XYLB: variants seen among roughly 807,000 people sequenced by gnomAD.
XYLB encodes the protein xylulose kinase.
A neutral mutation model predicts 78.7 loss-of-function variants in XYLB; 62 were observed. The observed-to-expected ratio is 0.79, with a 90% CI of 0.64 to 0.97. XYLB has a LOEUF of 0.97. Ranked by LOEUF, XYLB falls within the 50% of genes least tolerant of loss-of-function variation. The pLI, the probability that XYLB is intolerant of heterozygous loss-of-function variation, is 0.00. For synonymous variants in XYLB, 245 were observed against 247.4 expected (o/e 0.99, Z 0.09); for missense variants, 687 against 676.8 (o/e 1.02, Z -0.17).
intron 10 of XYLB, among the ~76,000 whole-genome samples, 189 bp from the exon 11 acceptor site, chr3:38,374,273 C>T (rs1706728254): frequency 6.6e-6 from 1 of 152,116 alleles, no homozygotes; most frequent in Non-Finnish European, 1.5e-5. Context: ...AGAGACTTCA[C>T]CCCGTGACCC....
At chr3:38,354,461 A>G (rs1393514390) in intron 2 of XYLB, among the ~76,000 whole-genome samples, 1 of 149,520 alleles carries the variant, frequency 6.7e-6, no homozygotes, top group East Asian at 1.9e-4. Flanking sequence ...TTCAATATGT[A>G]CTTCAGAATC....
chr3:38,432,111 C>A, the XYLB span, among the ~76,000 whole-genome samples: 1 of 36,134 alleles, frequency 2.8e-5, no homozygotes. Flanking sequence ...TCCACCCTGG[C>A]ACCTCCCAAA....
At chr3:38,437,454 AAG>A in the XYLB span, among the ~76,000 whole-genome samples, 3 of 152,240 alleles carry the variant, frequency 2.0e-5, no homozygotes, top group Non-Finnish European at 4.4e-5. Flanking sequence ...CATATTGCAA[AAG>A]AGAAACTCAA....
At chr3:38,347,039 C>A in intron 1 of XYLB, 114 bp downstream of exon 1, 2 of 1,101,128 alleles carry the variant, frequency 1.8e-6, no homozygotes, top group Non-Finnish European at 2.3e-6. Context: ...GGCGCGCCTA[C>A]CTCTCGGGCT....
At chr3:38,399,651 T>G (rs1708041764) in intron 17 of XYLB, among the ~76,000 whole-genome samples, 1 of 152,188 alleles carries the variant, frequency 6.6e-6, no homozygotes. Context: ...TCATAATTCT[T>G]TTGTGGAAGT....
At chr3:38,447,822 T>C in the XYLB span, among the ~76,000 whole-genome samples, 1 of 152,150 alleles carries the variant, frequency 6.6e-6, no homozygotes, top group East Asian at 1.9e-4. Context: ...GCACTATTCT[T>C]AAAAGAGAAG....
downstream of XYLB, among the ~76,000 whole-genome samples, chr3:38,425,937 T>C (rs1280691120): frequency 6.6e-6 from 1 of 152,258 alleles, no homozygotes; most frequent in Non-Finnish European, 1.5e-5. Flanking sequence ...CTGATCATTC[T>C]ATTTTAGCGG....
At chr3:38,418,194 CAAAAAAAA>C (rs56163697), downstream of XYLB, among the ~76,000 whole-genome samples, 2 of 106,832 alleles carry the variant, frequency 1.9e-5, no homozygotes, top group Non-Finnish European at 3.6e-5. Flanking sequence ...GACTCTGTCT[CAAAAAAAA>C]AAAAAAAAAA....
intron 4 of XYLB, among the ~76,000 whole-genome samples, chr3:38,364,522 C>T (rs1706143322): frequency 7.6e-6 from 1 of 132,162 alleles, no homozygotes; most frequent in Non-Finnish European, 1.6e-5. Context: ...CAGCCCATCA[C>T]CCACCCCCGA....
At chr3:38,401,064 C>T in intron 18 of XYLB, 79 bp downstream of exon 18, 1 of 1,270,280 alleles carries the variant, frequency 7.9e-7, no homozygotes, top group Non-Finnish European at 1.1e-6. Flanking sequence ...CAAAAGGTCA[C>T]CTACATTGAA....
chr3:38,357,698 A>T (rs1010958320), intron 2 of XYLB, among the ~76,000 whole-genome samples: 1 of 152,092 alleles, frequency 6.6e-6, no homozygotes, highest in Non-Finnish European at 1.5e-5. Flanking sequence ...AACATTTATT[A>T]TTGACTGTCT....
intron 9 of XYLB, among the ~76,000 whole-genome samples, chr3:38,371,526 G>A (rs545712390): frequency 6.6e-6 from 1 of 152,052 alleles, no homozygotes; most frequent in South Asian, 2.1e-4. Flanking sequence ...TGCCCGCCTC[G>A]GCCTTCCAAA....
chr3:38,350,367 G>A (rs1705296248), intron 2 of XYLB, among the ~76,000 whole-genome samples: 1 of 152,190 alleles, frequency 6.6e-6, no homozygotes, highest in African/African-American at 2.4e-5. Flanking sequence ...CCATAGTGTT[G>A]TTCATAATAT....
At chr3:38,403,134 C>A (rs1235063215) in intron 18 of XYLB, among the ~76,000 whole-genome samples, 2 of 151,606 alleles carry the variant, frequency 1.3e-5, no homozygotes, top group Admixed American at 1.3e-4. Flanking sequence ...CGTGTCTCTA[C>A]AAAAAATTAA....
At chr3:38,359,897 T>G (rs1170230318) in intron 2 of XYLB, among the ~76,000 whole-genome samples, 1 of 151,322 alleles carries the variant, frequency 6.6e-6, no homozygotes, top group African/African-American at 2.4e-5. Flanking sequence ...GTGAGGTGGG[T>G]GGGGAGAGGG....
intron 17 of XYLB, among the ~76,000 whole-genome samples, chr3:38,398,552 A>T (rs977243177): frequency 6.6e-6 from 1 of 152,062 alleles, no homozygotes; most frequent in African/African-American, 2.4e-5. Context: ...GCCATATCCT[A>T]TATCAAGATC....
intron 14 of XYLB, 78 bp downstream of exon 14, chr3:38,377,069 G>A: frequency 1.5e-6 from 2 of 1,293,866 alleles, no homozygotes; most frequent in Non-Finnish European, 2.2e-6. Flanking sequence ...ATCAAATTAT[G>A]TTACTTTTAG....
chr3:38,360,432 C>T (rs1261541330), intron 3 of XYLB, 24 bp downstream of exon 3: 3 of 1,547,114 alleles, frequency 1.9e-6, no homozygotes, highest in Non-Finnish European at 2.6e-6. Flanking sequence ...TTCCTATTCT[C>T]CTTCTATCCC....
intron 15 of XYLB, among the ~76,000 whole-genome samples, chr3:38,387,234 C>A (rs1707419755): frequency 6.6e-6 from 1 of 151,268 alleles, no homozygotes; most frequent in African/African-American, 2.4e-5. Context: ...ATTTATTTTT[C>A]CCTATTCCCT....
Sources: gnomAD v4.1 joint callset for allele counts (sites outside exome capture counted in the v4.1 genomes callset) on GRCh38, gnomAD v4.1.1 for gene constraint, MANE v1.5 for transcripts, NCBI Gene and HGNC (gene_info 2026-07-23, HGNC 2026-07-21) for gene names.